PCGF5: variants seen among roughly 807,000 people sequenced by gnomAD.
PCGF5 encodes the protein polycomb group RING finger protein 5.
PCGF5 carries 9 observed loss-of-function variants against 44.3 expected under a neutral mutation model. That is an observed-to-expected ratio of 0.20 (90% CI 0.12 to 0.35). PCGF5 has a LOEUF of 0.35. PCGF5 is among the 10% of genes least tolerant of loss of function. The pLI is 1.00. For synonymous variants in PCGF5, 95 were observed against 102.5 expected (o/e 0.93, Z 0.44); for missense variants, 146 against 305.3 (o/e 0.48, Z 3.89).
At chr10:91,263,329 T>C (rs1438017000) in intron 7 of PCGF5, among the ~76,000 whole-genome samples, 1 of 152,134 alleles carries the variant, frequency 6.6e-6, no homozygotes, top group African/African-American at 2.4e-5. Context: ...AATGAAATTA[T>C]CTCCTTTATT....
chr10:91,199,636 G>A (rs925441165), intron 1 of PCGF5, among the ~76,000 whole-genome samples: 37 of 152,204 alleles, frequency 2.4e-4, no homozygotes, highest in Non-Finnish European at 1.9e-4. Context: ...ATATGATGCA[G>A]TATTTTAGTT....
intron 1 of PCGF5, among the ~76,000 whole-genome samples, chr10:91,193,321 C>T (rs1844068073): frequency 6.6e-6 from 1 of 151,922 alleles, no homozygotes; most frequent in African/African-American, 2.4e-5. Flanking sequence ...GGACCCAGCT[C>T]AGCCAAATTG....
intron 8 of PCGF5, among the ~76,000 whole-genome samples, chr10:91,269,913 C>T (rs144261949): frequency 1.3e-4 from 20 of 152,194 alleles, no homozygotes; most frequent in African/African-American, 4.8e-4. Context: ...TGTGTTACAG[C>T]TATTTTCTTC....
At chr10:91,164,127 T>C (rs1286801587) in intron 1 of PCGF5, among the ~76,000 whole-genome samples, 2 of 151,976 alleles carry the variant, frequency 1.3e-5, no homozygotes, top group Non-Finnish European at 1.5e-5. Flanking sequence ...CACGCGCGCG[T>C]ACTCGCTATG....
At chr10:91,219,023 G>A (rs1034708014), upstream of PCGF5, among the ~76,000 whole-genome samples, 1 of 152,074 alleles carries the variant, frequency 6.6e-6, no homozygotes. Context: ...TGGGAGAGAT[G>A]GAATGGTTGC....
intron 1 of PCGF5, among the ~76,000 whole-genome samples, chr10:91,194,139 G>A (rs1331583031): frequency 6.6e-6 from 1 of 152,154 alleles, no homozygotes; most frequent in Non-Finnish European, 1.5e-5. Context: ...GCAGAGTGTG[G>A]TAGGCAGAAT....
chr10:91,272,551 T>C (rs1222207827), intron 9 of PCGF5, among the ~76,000 whole-genome samples: 1 of 152,092 alleles, frequency 6.6e-6, no homozygotes, highest in African/African-American at 2.4e-5. Flanking sequence ...GGCGGGCAGA[T>C]CTCTTGAGTC....
upstream of PCGF5, among the ~76,000 whole-genome samples, chr10:91,218,971 T>A (rs1465131831): frequency 1.3e-5 from 2 of 152,164 alleles, no homozygotes; most frequent in East Asian, 3.8e-4. Flanking sequence ...GTTTTTAAAC[T>A]TGTTTTTATT....
At chr10:91,269,412 T>C (rs1423883066) in intron 8 of PCGF5, among the ~76,000 whole-genome samples, 3 of 152,182 alleles carry the variant, frequency 2.0e-5, no homozygotes, top group African/African-American at 7.2e-5. Flanking sequence ...ATTTAAAATT[T>C]GATAATGTGT....
At chr10:91,200,358 G>A (rs11186497) in intron 1 of PCGF5, among the ~76,000 whole-genome samples, 113,675 of 152,124 alleles carry the variant, frequency 0.75, 46,100 homozygotes, top group South Asian at 0.93. Context: ...CTTCCTACTC[G>A]GTGCCCAAAA....
intron 2 of PCGF5, among the ~76,000 whole-genome samples, chr10:91,223,905 A>G (rs1166452934): frequency 2.0e-5 from 3 of 151,902 alleles, no homozygotes; most frequent in African/African-American, 7.3e-5. Flanking sequence ...CCTATATTCA[A>G]CTCCAAAACC....
chr10:91,204,915 T>A (rs1844317188), intron 1 of PCGF5, among the ~76,000 whole-genome samples: 1 of 152,342 alleles, frequency 6.6e-6, no homozygotes, highest in East Asian at 1.9e-4. Context: ...TTCTTTCTCA[T>A]AAAATACCAG....
the PCGF5 span, among the ~76,000 whole-genome samples, chr10:91,156,451 T>G: frequency 5.9e-5 from 9 of 152,294 alleles, no homozygotes; most frequent in Admixed American, 4.6e-4. Flanking sequence ...GAGATTCCCT[T>G]TCTTAAATTG....
At chr10:91,200,616 G>T (rs1463481190) in intron 1 of PCGF5, among the ~76,000 whole-genome samples, 1 of 152,148 alleles carries the variant, frequency 6.6e-6, no homozygotes, top group East Asian at 1.9e-4. Context: ...AAGATATTGA[G>T]TCTTGAACAC....
chr10:91,180,121 A>G (rs940724591), intron 1 of PCGF5, among the ~76,000 whole-genome samples: 1 of 151,906 alleles, frequency 6.6e-6, no homozygotes, highest in Non-Finnish European at 1.5e-5. Context: ...TTTTTTCATT[A>G]CATTATTGGC....
chr10:91,188,953 AG>A (rs761777151), intron 1 of PCGF5, among the ~76,000 whole-genome samples: 1 of 152,234 alleles, frequency 6.6e-6, no homozygotes, highest in Non-Finnish European at 1.5e-5. Flanking sequence ...AGAAAGGGAG[AG>A]TAGATAGCAC....
In PCGF5 at chr10:91,168,805, G is replaced by C. The variant is rs540494785; in HGVS notation, c.-184+5724G>C. ...TAGCCGAGTGTGGTGGTGTGTGTCT[G>C]TAATCTCAGCTACTAGGGCTGCTGA... On this transcript the variant is annotated intron_variant, in intron 1 of 9. Coordinates refer to the PCGF5 transcript ENST00000614189. Among the ~76,000 whole-genome samples the C allele has an allele frequency of 5.9e-5, 9 of 151,990 alleles. No individual in the cohort carries two copies. In the South Asian group the frequency reaches 1.3e-3, roughly 21 times the overall value.
At chr10:91,175,578 T>C (rs941468299) in intron 1 of PCGF5, among the ~76,000 whole-genome samples, 6 of 152,198 alleles carry the variant, frequency 3.9e-5, no homozygotes, top group Non-Finnish European at 8.8e-5. Context: ...AGCTTTTTGA[T>C]GCTTTGTTCT....
chr10:91,192,304 C>T (rs560572639), intron 1 of PCGF5, among the ~76,000 whole-genome samples: 1 of 152,222 alleles, frequency 6.6e-6, no homozygotes, highest in East Asian at 1.9e-4. Context: ...AGGTGTTTTG[C>T]TCGTATACCT....
Sources: gnomAD v4.1 joint callset for allele counts (sites outside exome capture counted in the v4.1 genomes callset) on GRCh38, gnomAD v4.1.1 for gene constraint, MANE v1.5 for transcripts, NCBI Gene and HGNC (gene_info 2026-07-23, HGNC 2026-07-21) for gene names.